IL1RAPL2: variants seen among roughly 807,000 people sequenced by gnomAD.
The protein encoded by IL1RAPL2 is interleukin 1 receptor accessory protein like 2, also known as X-linked interleukin-1 receptor accessory protein-like 2.
A neutral mutation model predicts 44.1 loss-of-function variants in IL1RAPL2; 3 were observed. The observed-to-expected ratio is 0.07, with a 90% confidence interval of 0.03 to 0.18. The LOEUF is 0.18. IL1RAPL2 is among the 10% of genes least tolerant of loss of function. The probability of loss-of-function intolerance (pLI) is 1.00; values close to 1 mark genes in which losing one functional copy is unlikely to be tolerated. For synonymous variants in IL1RAPL2, 181 were observed against 178.8 expected (o/e 1.01, Z -0.10); for missense variants, 391 against 496.4 (o/e 0.79, Z 2.02).
At chrX:104,582,122 G>T (rs1398435365) in intron 1 of IL1RAPL2, among the ~76,000 whole-genome samples, 3 of 112,035 alleles carry the variant, frequency 2.7e-5, no homozygotes, top group Non-Finnish European at 1.9e-5. Flanking sequence ...GCATTTTATT[G>T]TAAAATCTCT....
At chrX:105,382,556 G>T (rs1200066286) in intron 5 of IL1RAPL2, among the ~76,000 whole-genome samples, 19 of 103,942 alleles carry the variant, frequency 1.8e-4, no homozygotes, top group Non-Finnish European at 3.3e-4. Flanking sequence ...GTGGAAGTCA[G>T]TGTGGCGATT....
intron 2 of IL1RAPL2, among the ~76,000 whole-genome samples, chrX:105,002,190 A>C (rs141684141): frequency 0.015 from 1,624 of 111,290 alleles, 29 homozygotes; most frequent in African/African-American, 0.05. Flanking sequence ...GAGCCCTTCT[A>C]TATCTGAACT....
At chrX:105,325,541 TTATA>T (rs3035842) in intron 5 of IL1RAPL2, among the ~76,000 whole-genome samples, 995 of 76,019 alleles carry the variant, frequency 0.013, 14 homozygotes, top group African/African-American at 0.046. Flanking sequence ...TCTCTTGGTT[TTATA>T]TATATATATA....
intron 3 of IL1RAPL2, chrX:105,218,821 G>C: frequency 2.0e-6 from 1 of 511,276 alleles, no homozygotes; most frequent in Non-Finnish European, 3.3e-6. Flanking sequence ...TATTCGTAAA[G>C]GTACCATTGT....
chrX:105,220,223 C>T, intron 3 of IL1RAPL2: 1 of 1,211,569 alleles, frequency 8.3e-7, no homozygotes, highest in Non-Finnish European at 1.1e-6. Context: ...TCACTGGGCA[C>T]CTCGCTGTCC....
In IL1RAPL2 at chrX:105,704,877, G is replaced by A. The variant is rs367562578; in HGVS notation, c.773-12490G>A. Among the ~76,000 whole-genome samples the A allele has an allele frequency of 9.1e-5, 10 of 110,243 alleles. No homozygotes were observed. The East Asian group carries it at 1.4e-3, about 16-fold the overall frequency. ...CAAATTCTGTAAGAACATTTTTCCC[G>A]TTGAGCTGTTTTCTAATTTTAATGT... On this transcript the variant is annotated intron_variant, in intron 6 of 10. Coordinates refer to ENST00000372582, the MANE Select transcript of IL1RAPL2 (RefSeq NM_017416.2).
At chrX:105,008,950 A>C (rs1413724387) in intron 2 of IL1RAPL2, among the ~76,000 whole-genome samples, 1 of 112,348 alleles carries the variant, frequency 8.9e-6, no homozygotes, top group East Asian at 2.8e-4. Flanking sequence ...ATATTAGCAG[A>C]CACTTCTCAA....
At chrX:104,925,045 G>A (rs1489620759) in intron 2 of IL1RAPL2, among the ~76,000 whole-genome samples, 1 of 109,319 alleles carries the variant, frequency 9.1e-6, no homozygotes, top group Non-Finnish European at 1.9e-5. Flanking sequence ...GAACTACAAG[G>A]AATCATCAGA....
intron 2 of IL1RAPL2, among the ~76,000 whole-genome samples, chrX:104,794,412 AT>A (rs993770159): frequency 1.1e-3 from 121 of 107,031 alleles, no homozygotes; most frequent in African/African-American, 3.3e-3. Flanking sequence ...TTTCTGATTC[AT>A]TTTTTTTTTC....
intron 2 of IL1RAPL2, among the ~76,000 whole-genome samples, chrX:104,973,876 C>A (rs1467543298): frequency 8.9e-6 from 1 of 111,809 alleles, no homozygotes; most frequent in African/African-American, 3.2e-5. Flanking sequence ...CAAAATTACT[C>A]CTTTTTAAAT....
intron 5 of IL1RAPL2, among the ~76,000 whole-genome samples, chrX:105,323,364 C>A (rs1193903608): frequency 8.9e-6 from 1 of 111,825 alleles, no homozygotes; most frequent in Non-Finnish European, 1.9e-5. Context: ...CCGTCCTTCC[C>A]CATCTGGCTG....
chrX:105,640,475 C>A (rs1384313234), intron 6 of IL1RAPL2, among the ~76,000 whole-genome samples: 7 of 107,559 alleles, frequency 6.5e-5, no homozygotes, highest in Admixed American at 3.1e-4. Flanking sequence ...CAAGAGGATC[C>A]TCTAGGACAG....
chrX:104,957,579 T>C (rs1486942438), intron 2 of IL1RAPL2, among the ~76,000 whole-genome samples: 1 of 112,324 alleles, frequency 8.9e-6, no homozygotes, highest in African/African-American at 3.2e-5. Flanking sequence ...TTATTTGGGA[T>C]TTTGACTATC....
intron 2 of IL1RAPL2, among the ~76,000 whole-genome samples, chrX:105,150,176 G>A (rs1329206330): frequency 1.8e-5 from 2 of 111,481 alleles, no homozygotes; most frequent in Non-Finnish European, 3.8e-5. Context: ...ACTAGAGCAT[G>A]CAAATACTAT....
rs146711629 is a variant in IL1RAPL2 at position 105,166,616 on chromosome X, A to C, written c.83-28859A>C. 4.8e-3 allele frequency among the ~76,000 whole-genome samples: 537 copies of C among 112,555 alleles called. 4 individuals are homozygous for C. Among genetic ancestry groups the C allele is most frequent in the African/African-American group, 0.016 (508 of 31,032 alleles). On this transcript the variant is annotated intron_variant, in intron 2 of 10. Transcript: ENST00000372582. ...AAAGATGATACTGTCCCCTATTGCA[A>C]AAGTGAAATTCTAGCAAATCACAAA...
chrX:104,862,286 T>C (rs1156999816), intron 2 of IL1RAPL2, among the ~76,000 whole-genome samples: 1 of 110,793 alleles, frequency 9.0e-6, no homozygotes, highest in East Asian at 2.8e-4. Flanking sequence ...TGGTTACTGT[T>C]ATGTGCTGAA....
chrX:104,637,544 T>C (rs1929840665), intron 1 of IL1RAPL2, among the ~76,000 whole-genome samples: 2 of 111,188 alleles, frequency 1.8e-5, no homozygotes, highest in South Asian at 7.7e-4. Flanking sequence ...GATGTTGAAT[T>C]TTATCAAATG....
At position 105,307,669 on chromosome X, in the gene IL1RAPL2, T is replaced by C. The variant is rs1253126482; in HGVS notation, c.697+40128T>C. Among the ~76,000 whole-genome samples, 14 of 74,188 alleles carry C rather than the reference T, an allele frequency of 1.9e-4. 1 individual carries two copies. Among genetic ancestry groups the C allele is most frequent in the African/African-American group, 7.0e-4 (13 of 18,685 alleles). 64.4% of individuals were successfully genotyped at this position (74,188 alleles called of 115,157 possible). A position where few individuals can be genotyped will look rare whatever the true frequency, so the allele number is the denominator to read the frequency against. ...TATATATTTTCTATTATATATATTATATACAGTACACATATATAATATATA... is the reference window on the plus strand; with the variant it reads ...TATATATTTTCTATTATATATATTACATACAGTACACATATATAATATATA... On this transcript the variant is annotated intron_variant, in intron 5 of 10. Transcript: ENST00000372582.
chrX:105,259,462 A>G (rs1351795108), intron 4 of IL1RAPL2, among the ~76,000 whole-genome samples: 1 of 111,573 alleles, frequency 9.0e-6, no homozygotes, highest in Non-Finnish European at 1.9e-5. Context: ...TGGAAGCAGC[A>G]GAGGAAGGGA....
Sources: gnomAD v4.1 joint callset for allele counts (sites outside exome capture counted in the v4.1 genomes callset) on GRCh38, gnomAD v4.1.1 for gene constraint, MANE v1.5 for transcripts, NCBI Gene and HGNC (gene_info 2026-07-23, HGNC 2026-07-21) for gene names.